REXO2: variants seen among roughly 807,000 people sequenced by gnomAD.
The protein encoded by REXO2 is RNA exonuclease 2.
REXO2 carries 17 observed loss-of-function variants against 30.9 expected under a neutral mutation model. The observed-to-expected ratio is 0.55, with a 90% CI of 0.38 to 0.82. The LOEUF (loss-of-function observed/expected upper bound fraction) is 0.82. Ranked by LOEUF, REXO2 falls within the 40% of genes least tolerant of loss-of-function variation. REXO2 has a pLI of 0.00. For missense variants in REXO2, 253 were observed against 293.2 expected, an observed-to-expected ratio of 0.86 and a Z score of 1.00; for synonymous variants, 105 against 99.6, an observed-to-expected ratio of 1.05 and a Z score of -0.32.
At chr11:114,442,284 G>C (rs1029788874) in intron 2 of REXO2, among the ~76,000 whole-genome samples, 6 of 152,080 alleles carry the variant, frequency 3.9e-5, no homozygotes, top group African/African-American at 7.2e-5. Context: ...TTTTTCTGTA[G>C]GTGTGGTCCC....
At chr11:114,447,988 A>G in intron 6 of REXO2, 109 bp downstream of exon 6, 2 of 807,034 alleles carry the variant, frequency 2.5e-6, no homozygotes, top group South Asian at 3.4e-5. Context: ...GGGAAAAGAT[A>G]AAGTTCAACT....
Position 114,439,537 on chromosome 11 carries a change from C to T in REXO2, c.9C>T (p.Gly3=), listed in dbSNP as rs1946460132. The T allele has an allele frequency of 1.2e-6, 2 of 1,606,976 alleles. No individual in the cohort carries two copies. The highest frequency in any genetic ancestry group is 2.2e-5 in the South Asian group (2 of 90,960). ...GCTGCTGGTCCCGGGTGATGCTAGG[C>T]GGCTCCCTGGGCTCCAGGCTGTTGC... The part of the protein sequence containing the change: ML[G]GSLGSRLLRG... The change falls in exon 1 of 7, where the codon GGC becomes GGT. Residue 3 remains glycine, a synonymous_variant. Transcript: ENST00000265881.
intron 6 of REXO2, 42 bp downstream of exon 6, chr11:114,447,921 A>C (rs1946519392): frequency 6.7e-7 from 1 of 1,488,276 alleles, no homozygotes; most frequent in African/African-American, 1.4e-5. Context: ...TCTGACACAC[A>C]CTTAACTCCC....
At position 114,439,526 on chromosome 11, in the gene REXO2, G is replaced by T; in HGVS notation, c.-3G>T. The T allele has an allele frequency of 1.2e-6, 2 of 1,605,782 alleles. No homozygotes were observed. The highest frequency in any genetic ancestry group is 1.7e-6 in the Non-Finnish European group (2 of 1,179,358). On this transcript the variant is annotated 5_prime_UTR_variant, in exon 1 of 7. Coordinates refer to ENST00000265881, the MANE Select transcript of REXO2 (RefSeq NM_015523.4). ...CTGGGGCCGTGGCTGCTGGTCCCGG[G>T]TGATGCTAGGCGGCTCCCTGGGCTC...
At chr11:114,440,145 A>G (rs966375912) in intron 1 of REXO2, 3 of 463,066 alleles carry the variant, frequency 6.5e-6, no homozygotes, top group Non-Finnish European at 1.3e-5. Context: ...AACTCATTCA[A>G]GGTCGTGCTG....
intron 5 of REXO2, among the ~76,000 whole-genome samples, chr11:114,446,525 C>G (rs1199491564): frequency 6.6e-6 from 1 of 152,190 alleles, no homozygotes; most frequent in African/African-American, 2.4e-5. Flanking sequence ...CAGCATCTAA[C>G]TGTGCTGGAG....
At chr11:114,447,976 C>T (rs1382626108) in intron 6 of REXO2, 97 bp downstream of exon 6, 8 of 909,742 alleles carry the variant, frequency 8.8e-6, no homozygotes, top group African/African-American at 3.4e-5. Context: ...TCTTTTTTCT[C>T]GGGGAAAAGA....
chr11:114,441,475 A>G (rs559323484), intron 2 of REXO2, among the ~76,000 whole-genome samples: 48 of 152,352 alleles, frequency 3.2e-4, no homozygotes, highest in Non-Finnish European at 5.9e-4. Flanking sequence ...AAAACAAAAC[A>G]CACCTGCTGC....
intron 5 of REXO2, among the ~76,000 whole-genome samples, chr11:114,446,816 C>G (rs375403211): frequency 8.6e-5 from 13 of 151,960 alleles, no homozygotes; most frequent in African/African-American, 2.7e-4. Flanking sequence ...CAGTGAAGTT[C>G]ACTATGATCT....
At chr11:114,442,689 A>T (rs538717024) in intron 2 of REXO2, among the ~76,000 whole-genome samples, 3 of 152,272 alleles carry the variant, frequency 2.0e-5, no homozygotes, top group Admixed American at 2.0e-4. Flanking sequence ...TAACATTTCT[A>T]TGAGGGAAGG....
rs530889192 is a variant in REXO2, at chr11:114,443,032, G to GT, written c.232-816dup. Among the ~76,000 whole-genome samples the GT allele has an allele frequency of 2.1e-4, 32 of 150,736 alleles. No individual in the cohort carries two copies. In the South Asian group the frequency reaches 2.7e-3, roughly 13 times the overall value. ...ATTTTGTATGTTTATATAAATGCGT[G>GT]TTTTTTTTAAAACAAGTGTAAATGA... On this transcript the variant is annotated intron_variant, in intron 2 of 6. Coordinates refer to ENST00000265881, the MANE Select transcript of REXO2 (RefSeq NM_015523.4).
intron 2 of REXO2, among the ~76,000 whole-genome samples, chr11:114,442,530 T>C (rs187919389): frequency 6.6e-5 from 10 of 152,330 alleles, no homozygotes; most frequent in Non-Finnish European, 4.4e-5. Context: ...TAGTAGGATG[T>C]CAGGCGTATT....
intron 3 of REXO2, chr11:114,444,158 G>C: frequency 1.6e-6 from 1 of 636,028 alleles, no homozygotes; most frequent in Non-Finnish European, 2.9e-6. Flanking sequence ...CATTCAGTCT[G>C]TCGCGAACGC....
In REXO2 at chr11:114,449,978, C is replaced by A; in HGVS notation, c.*3C>A. On this transcript the variant is annotated 3_prime_UTR_variant, in exon 7 of 7. Transcript: ENST00000265881. ...AAAATGAGAAGACCGTGAGTTGATG[C>A]CAGTTATCATGCTGCCACTACATCG... 1 of 1,590,496 alleles carries A rather than the reference C, an allele frequency of 6.3e-7. No homozygotes were observed. The highest frequency in any genetic ancestry group is 8.5e-7 in the Non-Finnish European group (1 of 1,169,706).
intron 6 of REXO2, chr11:114,449,054 T>A (rs1591212822): frequency 6.6e-6 from 1 of 152,242 alleles, no homozygotes; most frequent in Admixed American, 6.5e-5. Flanking sequence ...CCTTGGCCCA[T>A]GATTCAGAGT....
At chr11:114,446,229 A>G in intron 5 of REXO2, 142 bp downstream of exon 5, 3 of 508,124 alleles carry the variant, frequency 5.9e-6, no homozygotes, top group Non-Finnish European at 1.0e-5. Context: ...TTGCTTGTAT[A>G]GGACCTTAAC....
intron 4 of REXO2, chr11:114,445,709 A>G (rs1361604368): frequency 6.8e-6 from 2 of 293,820 alleles, no homozygotes; most frequent in East Asian, 1.4e-4. Flanking sequence ...TTTGTGCATT[A>G]CATCAAGCAT....
Position 114,440,777 on chromosome 11 carries a change from G to C in REXO2, c.231+38G>C, listed in dbSNP as rs758895658. On this transcript the variant is annotated intron_variant, in intron 2 of 6. Transcript: ENST00000265881. Reference sequence around the variant, plus strand: ...ATGTAATACAGTCATACTTTTTAAAGGGCACTGGAAATATAACCATCATTT... The same window carrying C: ...ATGTAATACAGTCATACTTTTTAAACGGCACTGGAAATATAACCATCATTT... The C allele has an allele frequency of 6.3e-6, 9 of 1,423,402 alleles. No homozygotes were observed. In the Admixed American group the frequency reaches 1.4e-4, roughly 22 times the overall value. The allele number at this position is 1,423,402 out of a possible 1,614,324, so 88.2% of individuals were successfully genotyped here.
intron 6 of REXO2, among the ~76,000 whole-genome samples, chr11:114,449,413 T>G (rs1565272293): frequency 7.1e-6 from 1 of 140,392 alleles, no homozygotes; most frequent in Non-Finnish European, 1.5e-5. Flanking sequence ...TTAGAAATAC[T>G]AAAATTTATT....
Sources: gnomAD v4.1 joint callset for allele counts (sites outside exome capture counted in the v4.1 genomes callset) on GRCh38, gnomAD v4.1.1 for gene constraint, MANE v1.5 for transcripts, NCBI Gene and HGNC (gene_info 2026-07-23, HGNC 2026-07-21) for gene names.